TLN1: variants seen among roughly 807,000 people sequenced by gnomAD.
TLN1 encodes the protein talin-1.
TLN1 carries 56 observed loss-of-function variants against 292.3 expected under a neutral mutation model. That is an observed-to-expected ratio of 0.19 (90% CI 0.15 to 0.24). The LOEUF is 0.24. Among genes scored for constraint, TLN1 ranks in the 10% least tolerant of loss-of-function variants. The pLI is 1.00. For synonymous variants in TLN1, 1,119 were observed against 1,253.7 expected, an observed-to-expected ratio of 0.89 and a Z score of 2.27; for missense variants, 2,433 against 3,248.2, an observed-to-expected ratio of 0.75 and a Z score of 6.10.
In TLN1 at chr9:35,720,447, T is replaced by G; in HGVS notation, c.1269A>C (p.Ser423=). ...TCCCTTCGTACTTTTTGGGGGACAC[T>G]GAGTCCTCCAGCATAGTAGACTCCT... ...GDEESTMLED[S]VSPKKSTVLQ... Residue 423 remains serine, a synonymous_variant, in exon 12 of 57, where the codon TCA becomes TCC. Coordinates refer to ENST00000314888, the MANE Select transcript of TLN1 (RefSeq NM_006289.4). 1 of 1,614,092 alleles carries G rather than the reference T, an allele frequency of 6.2e-7. No homozygotes were observed. The highest frequency in any genetic ancestry group is 1.3e-5 in the African/African-American group (1 of 75,018).
intron 20 of TLN1, 149 bp from the exon 21 acceptor site, chr9:35,715,336 A>G: frequency 3.5e-6 from 4 of 1,137,030 alleles, no homozygotes; most frequent in Non-Finnish European, 4.9e-6. Flanking sequence ...ATCACCTTTG[A>G]GAGGAGCTGA....
In TLN1 at chr9:35,712,908, C is replaced by T. The variant is rs1398253386; in HGVS notation, c.3488G>A (p.Ser1163Asn). The T allele has an allele frequency of 6.2e-6, 10 of 1,605,912 alleles. No homozygotes were observed. Among genetic ancestry groups the T allele is most frequent in the East Asian group, 4.5e-5 (2 of 44,652 alleles). Residue 1163 changes from serine to asparagine, a missense_variant, in exon 27 of 57, where the codon AGC becomes AAC. Ser to Asn is a conservative substitution (Grantham distance 46, BLOSUM62 1). Coordinates refer to ENST00000314888, the MANE Select transcript of TLN1 (RefSeq NM_006289.4). Reference protein sequence around the residue: ...DTASDVLDKASSLIEEAKKAA... With the variant: ...DTASDVLDKANSLIEEAKKAA... The stretch of plus-strand genomic sequence containing the variant: ...CTTTTTCGCCTCCTCAATGAGGCTG[C>T]TGGCCTTGTCCAGCACATCACTGGC...
chr9:35,727,908 G>C (rs984895476), intron 1 of TLN1, among the ~76,000 whole-genome samples: 8 of 152,164 alleles, frequency 5.3e-5, no homozygotes, highest in Non-Finnish European at 1.2e-4. Flanking sequence ...GCTACAAGAG[G>C]GTGTGTGGAC....
At position 35,697,872 on chromosome 9, in the gene TLN1, C is replaced by T. The variant is rs1825393963; in HGVS notation, c.7545G>A (p.Leu2515=). The T allele has an allele frequency of 6.2e-7, 1 of 1,614,178 alleles. No individual in the cohort carries two copies. Among genetic ancestry groups the T allele is most frequent in the South Asian group, 1.1e-5 (1 of 91,084 alleles). ...GGGCCAGTTTCTTCCGCGCCTCTTCCAGCTCTCGTTCCTTCCGAAGCATTT... is the reference window on the plus strand; with the variant it reads ...GGGCCAGTTTCTTCCGCGCCTCTTCTAGCTCTCGTTCCTTCCGAAGCATTT... ...QEEMLRKERE[L]EEARKKLAQI... Residue 2515 remains leucine (L), a synonymous_variant, in exon 57 of 57, where the codon CTG becomes CTA. Transcript: ENST00000314888.
chr9:35,722,978 C>CCCA, intron 7 of TLN1, 57 bp from the exon 8 acceptor site: 1 of 1,532,692 alleles, frequency 6.5e-7, no homozygotes, highest in Non-Finnish European at 9.0e-7. Context: ...GACATGTGGG[C>CCCA]CATGAACTGT....
chr9:35,731,622 C>T (rs972407248), intron 1 of TLN1, among the ~76,000 whole-genome samples: 3 of 152,124 alleles, frequency 2.0e-5, no homozygotes, highest in African/African-American at 7.2e-5. Context: ...ATGGCCATCC[C>T]AGCAAACAAG....
chr9:35,725,201 G>C, intron 3 of TLN1, 23 bp downstream of exon 3: 1 of 1,611,926 alleles, frequency 6.2e-7, no homozygotes. Context: ...GGATGTGGTG[G>C]TCCTTGATGA....
At chr9:35,701,295 A>G (rs1224592065) in intron 48 of TLN1, among the ~76,000 whole-genome samples, 1 of 152,110 alleles carries the variant, frequency 6.6e-6, no homozygotes, top group Non-Finnish European at 1.5e-5. Context: ...AATCTAATAT[A>G]TATATATTTC....
intron 1 of TLN1, among the ~76,000 whole-genome samples, chr9:35,729,783 G>A (rs1826037781): frequency 6.6e-6 from 1 of 152,124 alleles, no homozygotes; most frequent in East Asian, 1.9e-4. Context: ...GAGTTTAGGC[G>A]ACGAATTGGG....
chr9:35,729,164 G>A (rs1043103546), intron 1 of TLN1, among the ~76,000 whole-genome samples: 2 of 152,216 alleles, frequency 1.3e-5, no homozygotes, highest in Non-Finnish European at 2.9e-5. Context: ...CAGACTCAAA[G>A]ATGTTAAATA....
At chr9:35,730,478 G>C (rs971478749) in intron 1 of TLN1, among the ~76,000 whole-genome samples, 49 of 151,504 alleles carry the variant, frequency 3.2e-4, no homozygotes, top group Non-Finnish European at 4.4e-5. Flanking sequence ...AAGAGGCTTA[G>C]ATCCAGGGGG....
At position 35,722,935 on chromosome 9, in the gene TLN1, G is replaced by A. The variant is rs769430534; in HGVS notation, c.783-14C>T. On this transcript the variant is annotated splice_polypyrimidine_tract_variant and intron_variant, in intron 7 of 56. Coordinates refer to ENST00000314888, the MANE Select transcript of TLN1 (RefSeq NM_006289.4). Reference sequence around the variant, plus strand: ...AAGTCCTTCAGGCTACACCAGAAAAGGGAGGGTCAGCATGTGGTAGACAGC... The same window carrying A: ...AAGTCCTTCAGGCTACACCAGAAAAAGGAGGGTCAGCATGTGGTAGACAGC... 7 of 1,613,596 alleles carry A rather than the reference G, an allele frequency of 4.3e-6. No individual in the cohort carries two copies. The highest frequency in any genetic ancestry group is 5.9e-6 in the Non-Finnish European group (7 of 1,179,742).
chr9:35,704,438 C>A lies in TLN1; in HGVS notation c.5941G>T (p.Ala1981Ser). ...ATGATACCAGACACAGCGCTGGCTG[C>A]TGTGATGCAGGCCTGGGTGCCACGA... ...GNRGTQACITAASAVSGIIAD... is the reference protein window; with the variant it reads ...GNRGTQACITSASAVSGIIAD... The change falls in exon 45 of 57, where the codon GCA becomes TCA. Residue 1981 changes from alanine (A) to serine (S), a missense_variant. By Grantham distance (99) the Ala-to-Ser change is moderately conservative. This residue lies in a region of TLN1 where 1,384 missense variants were observed against 1,699.6 expected (regional missense o/e 0.81). Coordinates refer to ENST00000314888, the MANE Select transcript of TLN1 (RefSeq NM_006289.4). The surrounding 1 kb of genome is among the most constrained non-coding windows in gnomAD (Gnocchi z 6.9). 6.2e-7 allele frequency: 1 copy of A among 1,614,168 alleles called. No individual in the cohort carries two copies. The highest frequency in any genetic ancestry group is 8.5e-7 in the Non-Finnish European group (1 of 1,180,002).
Position 35,714,093 on chromosome 9 carries a change from A to T in TLN1, c.3121-12T>A. The T allele has an allele frequency of 6.2e-7, 1 of 1,613,814 alleles. No homozygotes were observed. Among genetic ancestry groups the T allele is most frequent in the Admixed American group, 1.7e-5 (1 of 60,012 alleles). On this transcript the variant is annotated splice_polypyrimidine_tract_variant and intron_variant, in intron 24 of 56. Transcript: ENST00000314888. The surrounding 1 kb of genome is among the most constrained non-coding windows in gnomAD (Gnocchi z 4.6). ...CATGCTTCCTGAGCCTATGATAAGA[A>T]AGGGGTTTTGGGTGTAGAAGGTCCT...
Position 35,712,874 on chromosome 9 carries a change from G to C in TLN1, c.3522C>G (p.Gly1174=), listed in dbSNP as rs1825700722. 6.3e-7 allele frequency: 1 copy of C among 1,595,018 alleles called. No homozygotes were observed. The highest frequency in any genetic ancestry group is 8.5e-7 in the Non-Finnish European group (1 of 1,169,982). Residue 1174 remains glycine, a synonymous_variant, in exon 27 of 57, where the codon GGC becomes GGG. Coordinates refer to ENST00000314888, the MANE Select transcript of TLN1 (RefSeq NM_006289.4). ...GCTGGCTCTCAGGGTCCCCTGGATG[G>C]CCAGCTGCCTTTTTCGCCTCCTCAA... ...SLIEEAKKAA[G]HPGDPESQQR...
Position 35,706,089 on chromosome 9 carries a change from G to T in TLN1, c.5384C>A (p.Ala1795Asp), listed in dbSNP as rs779830899. The change falls in exon 41 of 57, where the codon GCC (alanine) becomes GAC (aspartate). Residue 1795 changes from alanine (A) to aspartate (D), a missense_variant. Around this residue, in one of 7 missense-constraint regions of TLN1, gnomAD observed 1,384 missense variants for 1,699.6 expected, o/e 0.81. Coordinates refer to ENST00000314888, the MANE Select transcript of TLN1 (RefSeq NM_006289.4). The surrounding 1 kb of genome is among the most constrained non-coding windows in gnomAD (Gnocchi z 4.2). ...CATCATCTGCACAGCCTCCTCCAGG[G>T]CTTCCTGGGTGTGAGCTGCTTGCTG... ...NPKQAAHTQE[A>D]LEEAVQMMTE... The T allele has an allele frequency of 2.5e-6, 4 of 1,614,176 alleles. No individual in the cohort carries two copies. The East Asian group carries it at 8.9e-5, about 36-fold the overall frequency.
chr9:35,721,541 C>T, intron 10 of TLN1, 107 bp downstream of exon 10: 7 of 1,259,190 alleles, frequency 5.6e-6, no homozygotes, highest in African/African-American at 3.0e-5. Flanking sequence ...TCCTTTTTTT[C>T]TGGAGTAATA....
At position 35,711,780 on chromosome 9, in the gene TLN1, T is replaced by G. The variant is rs1282133449; in HGVS notation, c.3694A>C (p.Thr1232Pro). The change falls in exon 29 of 57, where the codon ACT (threonine) becomes CCT (proline). Residue 1232 changes from threonine to proline, a missense_variant. Coordinates refer to ENST00000314888, the MANE Select transcript of TLN1 (RefSeq NM_006289.4). Reference protein sequence around the residue: ...RLLSDSLPPSTGTFQEAQSRL... With the variant: ...RLLSDSLPPSPGTFQEAQSRL... ...CTCTGAGCTTCTTGAAATGTCCCAG[T>G]GCTAGGAGGAAGCTGCAAGGTGAGA... 6.2e-7 allele frequency: 1 copy of G among 1,613,934 alleles called. No individual in the cohort carries two copies. Among genetic ancestry groups the G allele is most frequent in the Admixed American group, 1.7e-5 (1 of 60,008 alleles).
chr9:35,725,849 G>T, intron 1 of TLN1, 122 bp from the exon 2 acceptor site: 1 of 774,808 alleles, frequency 1.3e-6, no homozygotes, highest in South Asian at 2.0e-5. Context: ...TGGTAATAAG[G>T]TTGTTTTCAT....
Sources: gnomAD v4.1 joint callset for allele counts (sites outside exome capture counted in the v4.1 genomes callset) on GRCh38, gnomAD v4.1.1 for gene constraint, gnomAD v4.1.1 regional missense constraint, Gnocchi (gnomAD v3.1) non-coding constraint, MANE v1.5 for transcripts, NCBI Gene and HGNC (gene_info 2026-07-23, HGNC 2026-07-21) for gene names.